Variants in MAPKAP1 observed in about 807,000 individuals in gnomAD.
MAPKAP1 encodes the protein MAPK associated protein 1, also known as target of rapamycin complex 2 subunit MAPKAP1.
Under a neutral mutation model 65.7 loss-of-function variants are expected in MAPKAP1, and 20 were observed. The observed-to-expected ratio is 0.30, with a 90% CI of 0.21 to 0.44. The LOEUF is 0.44. Ranked by LOEUF, MAPKAP1 falls within the 20% of genes least tolerant of loss-of-function variation. The pLI is 1.00. For missense variants in MAPKAP1, 423 were observed against 648.0 expected (o/e 0.65, Z 3.77); for synonymous variants, 222 against 244.3 (o/e 0.91, Z 0.85).
At chr9:125,512,456 G>T (rs1829329026) in intron 7 of MAPKAP1, among the ~76,000 whole-genome samples, 1 of 152,190 alleles carries the variant, frequency 6.6e-6, no homozygotes, top group South Asian at 2.1e-4. Flanking sequence ...AAATGTTCGT[G>T]TGACTATGAT....
At chr9:125,649,798 CAA>C (rs35503728) in intron 4 of MAPKAP1, among the ~76,000 whole-genome samples, 77 of 76,198 alleles carry the variant, frequency 1.0e-3, no homozygotes, top group Non-Finnish European at 1.5e-3. Context: ...AACTCCGTCT[CAA>C]AAAAAAAAAA....
In MAPKAP1 at chr9:125,669,864, G is replaced by A. The variant is rs1202409391; in HGVS notation, c.303C>T (p.Ile101=). 1.9e-6 allele frequency: 3 copies of A among 1,596,124 alleles called. No homozygotes were observed. The highest frequency in any genetic ancestry group is 2.6e-6 in the Non-Finnish European group (3 of 1,169,426). The change falls in exon 3 of 12, where the codon ATC becomes ATT. Residue 101 remains isoleucine (I), a synonymous_variant. Coordinates refer to ENST00000265960, the MANE Select transcript of MAPKAP1 (RefSeq NM_001006617.3). The part of the protein sequence containing the change: ...ERLRKERQNQ[I]KCKNIQWKER... ...CTTTCCACTGAATATTTTTGCATTT[G>A]ATCTGGTTTTGTCTCTCTTTTCGGA...
intron 5 of MAPKAP1, among the ~76,000 whole-genome samples, chr9:125,583,711 G>A (rs1831691920): frequency 6.6e-6 from 1 of 152,146 alleles, no homozygotes; most frequent in Non-Finnish European, 1.5e-5. Flanking sequence ...TTACTTACTA[G>A]TAACCCTGGG....
chr9:125,658,738 T>C (rs1015737973), intron 3 of MAPKAP1, among the ~76,000 whole-genome samples: 1 of 152,264 alleles, frequency 6.6e-6, no homozygotes, highest in East Asian at 1.9e-4. Flanking sequence ...TCAAAGATCA[T>C]TTAATTCTCT....
chr9:125,635,413 G>T (rs1427728292), intron 4 of MAPKAP1, among the ~76,000 whole-genome samples: 1 of 152,158 alleles, frequency 6.6e-6, no homozygotes, highest in African/African-American at 2.4e-5. Flanking sequence ...CCCAGCTGCT[G>T]CTCAATTAAA....
intron 4 of MAPKAP1, among the ~76,000 whole-genome samples, chr9:125,615,276 A>C (rs1832713080): frequency 6.6e-6 from 1 of 152,188 alleles, no homozygotes; most frequent in Non-Finnish European, 1.5e-5. Context: ...AGGTCACTTA[A>C]ATGATATATC....
intron 4 of MAPKAP1, among the ~76,000 whole-genome samples, chr9:125,652,574 C>T (rs1265399885): frequency 6.6e-6 from 1 of 152,176 alleles, no homozygotes; most frequent in Non-Finnish European, 1.5e-5. Context: ...TTAACACCAT[C>T]AAAGTCACAG....
chr9:125,636,496 C>A (rs1429448773), intron 4 of MAPKAP1, among the ~76,000 whole-genome samples: 1 of 152,210 alleles, frequency 6.6e-6, no homozygotes, highest in African/African-American at 2.4e-5. Flanking sequence ...CAGATAACTG[C>A]ATATTCTCTA....
At chr9:125,489,744 G>A (rs373505458) in intron 8 of MAPKAP1, among the ~76,000 whole-genome samples, 2 of 152,184 alleles carry the variant, frequency 1.3e-5, no homozygotes, top group East Asian at 1.9e-4. Flanking sequence ...AGTTGAGGAA[G>A]GAGGCAGGTG....
At chr9:125,570,500 G>A (rs1831195475) in intron 5 of MAPKAP1, among the ~76,000 whole-genome samples, 1 of 152,204 alleles carries the variant, frequency 6.6e-6, no homozygotes, top group Non-Finnish European at 1.5e-5. Flanking sequence ...GTGTGTCCTA[G>A]TGTATCTAGG....
chr9:125,594,800 T>G (rs1394264782), intron 4 of MAPKAP1, among the ~76,000 whole-genome samples: 1 of 152,194 alleles, frequency 6.6e-6, no homozygotes, highest in East Asian at 1.9e-4. Flanking sequence ...AGGGGTTTCA[T>G]GCTAGCTGGC....
chr9:125,604,618 T>C (rs1323087355), intron 4 of MAPKAP1, among the ~76,000 whole-genome samples: 1 of 152,256 alleles, frequency 6.6e-6, no homozygotes, highest in African/African-American at 2.4e-5. Flanking sequence ...ATAGTTAAAC[T>C]TGCTTTAGCA....
intron 5 of MAPKAP1, among the ~76,000 whole-genome samples, chr9:125,585,271 C>T (rs899979909): frequency 6.6e-6 from 1 of 152,184 alleles, no homozygotes; most frequent in African/African-American, 2.4e-5. Flanking sequence ...AACATCAATC[C>T]CCTCCCGTTC....
At chr9:125,632,262 T>G (rs943675553) in intron 4 of MAPKAP1, among the ~76,000 whole-genome samples, 1 of 151,398 alleles carries the variant, frequency 6.6e-6, no homozygotes, top group African/African-American at 2.4e-5. Flanking sequence ...TACTAAACTT[T>G]TCCTCTCATA....
rs572033366 is a variant in MAPKAP1 at position 125,626,425 on chromosome 9, T to C, written c.498+31226A>G. On this transcript the variant is annotated intron_variant, in intron 4 of 11. Coordinates refer to ENST00000265960, the MANE Select transcript of MAPKAP1 (RefSeq NM_001006617.3). ...GCAATTCTAGTAAGCTTGTCTCCTA[T>C]GCAGATCCAATCTCTTGTTGGGTGA... Among the ~76,000 whole-genome samples, 11 of 152,376 alleles carry C rather than the reference T, an allele frequency of 7.2e-5. No homozygotes were observed. The East Asian group carries it at 1.7e-3, about 24-fold the overall frequency.
At chr9:125,524,737 C>T (rs1005326299) in intron 7 of MAPKAP1, among the ~76,000 whole-genome samples, 1 of 152,250 alleles carries the variant, frequency 6.6e-6, no homozygotes, top group African/African-American at 2.4e-5. Flanking sequence ...AATCCAGCAG[C>T]TTCCACTGCA....
chr9:125,459,452 G>A (rs1853370912), intron 10 of MAPKAP1, among the ~76,000 whole-genome samples: 1 of 152,050 alleles, frequency 6.6e-6, no homozygotes, highest in Non-Finnish European at 1.5e-5. Flanking sequence ...ACTTTGGGAG[G>A]CCAAGGCAGG....
chr9:125,542,985 C>A (rs1269248656), intron 7 of MAPKAP1, 74 bp downstream of exon 7: 2 of 998,244 alleles, frequency 2.0e-6, no homozygotes, highest in Non-Finnish European at 3.2e-6. Flanking sequence ...AGCCATCACA[C>A]ACACACACCC....
chr9:125,443,697 CTCCCCCAGCCCCCCCAG>C (rs1852587172), intron 11 of MAPKAP1, among the ~76,000 whole-genome samples: 1 of 129,262 alleles, frequency 7.7e-6, no homozygotes, highest in Non-Finnish European at 1.7e-5. Context: ...GCCCCGCCAG[CTCCCCCAGCCCCCCCAG>C]CCCCCCATCC....
Sources: allele counts gnomAD v4.1 joint callset (sites outside exome capture counted in the v4.1 genomes callset), GRCh38; gene constraint gnomAD v4.1.1; transcripts MANE v1.5; gene names NCBI Gene and HGNC (gene_info 2026-07-23, HGNC 2026-07-21).